The following PELI2 variants were observed in gnomAD, a reference collection of about 807,000 sequenced individuals.
The protein encoded by PELI2 is E3 ubiquitin-protein ligase pellino homolog 2.
PELI2 carries 23 observed loss-of-function variants against 42.3 expected under a neutral mutation model. That is an observed-to-expected ratio of 0.54 (90% confidence interval 0.39 to 0.77). PELI2 has a LOEUF of 0.77. Among genes scored for constraint, PELI2 ranks in the 30% least tolerant of loss-of-function variants. The pLI is 0.00. For missense variants in PELI2, 463 were observed against 553.2 expected (o/e 0.84, Z 1.64); for synonymous variants, 245 against 212.2 (o/e 1.15, Z -1.34).
At chr14:56,172,547 TAAG>T (rs1392097738) in intron 1 of PELI2, among the ~76,000 whole-genome samples, 1 of 152,142 alleles carries the variant, frequency 6.6e-6, no homozygotes, top group Non-Finnish European at 1.5e-5. Flanking sequence ...GGGAGACTCT[TAAG>T]GAGGGGAGGT....
chr14:56,218,782 G>A (rs1566644499), intron 2 of PELI2, among the ~76,000 whole-genome samples: 1 of 152,124 alleles, frequency 6.6e-6, no homozygotes, highest in Non-Finnish European at 1.5e-5. Flanking sequence ...TTGCCAAGAT[G>A]ATTACAGATT....
intron 2 of PELI2, among the ~76,000 whole-genome samples, chr14:56,207,168 A>G (rs1256137647): frequency 6.6e-6 from 1 of 152,214 alleles, no homozygotes; most frequent in Non-Finnish European, 1.5e-5. Flanking sequence ...GATTACTAGT[A>G]TTAATAAATA....
chr14:56,264,134 C>G (rs547323298), intron 2 of PELI2, among the ~76,000 whole-genome samples: 61 of 152,260 alleles, frequency 4.0e-4, no homozygotes, highest in Admixed American at 9.8e-4. Context: ...GGCACACATT[C>G]CCAGGTGAGG....
In PELI2 at chr14:56,197,721, T is replaced by A. The variant is rs1267404166; in HGVS notation, c.207+19257T>A. On this transcript the variant is annotated intron_variant, in intron 2 of 5. Coordinates refer to ENST00000267460, the MANE Select transcript of PELI2 (RefSeq NM_021255.3). The surrounding 1 kb of genome is among the most constrained non-coding windows in gnomAD (Gnocchi z 4.9). ...TTTGGATGAGATTAACATTTAAATC[T>A]CTAGACTTTGAGTAAAGCACATCAG... Among the ~76,000 whole-genome samples, 1 of 152,124 alleles carries A rather than the reference T, an allele frequency of 6.6e-6. No homozygotes were observed. Among genetic ancestry groups the A allele is most frequent in the African/African-American group, 2.4e-5 (1 of 41,408 alleles).
intron 5 of PELI2, chr14:56,292,679 A>G: frequency 2.1e-6 from 1 of 475,462 alleles, no homozygotes; most frequent in Non-Finnish European, 2.8e-6. Context: ...ATACTAATGT[A>G]TGTGTAACAA....
chr14:56,294,093 G>A (rs1249008546), intron 5 of PELI2, among the ~76,000 whole-genome samples: 1 of 152,220 alleles, frequency 6.6e-6, no homozygotes, highest in Non-Finnish European at 1.5e-5. Flanking sequence ...CTGTCTGAAA[G>A]GAGTCACAGT....
intron 1 of PELI2, among the ~76,000 whole-genome samples, chr14:56,140,325 A>G (rs1002486220): frequency 5.9e-5 from 9 of 152,220 alleles, no homozygotes; most frequent in Non-Finnish European, 1.2e-4. Flanking sequence ...AATTACAACC[A>G]TATCTATGGT....
At chr14:56,217,927 A>T (rs1886970909) in intron 2 of PELI2, among the ~76,000 whole-genome samples, 1 of 152,228 alleles carries the variant, frequency 6.6e-6, no homozygotes, top group Admixed American at 6.5e-5. Context: ...CTATTTATGA[A>T]GGGTCATTCA....
rs57466886 is a variant in PELI2 at position 56,292,320 on chromosome 14, C to T, written c.696+1864C>T. ...GATCTTGGGCTTATGGGACACTGAA[C>T]GGATACATTCTTCCTGCAATCTCCT... On this transcript the variant is annotated intron_variant, in intron 5 of 5. Coordinates refer to ENST00000267460, the MANE Select transcript of PELI2 (RefSeq NM_021255.3). Among the ~76,000 whole-genome samples the T allele has an allele frequency of 1.9e-3, 291 of 152,270 alleles. 1 individual carries two copies. Among genetic ancestry groups the T allele is most frequent in the African/African-American group, 6.6e-3 (273 of 41,556 alleles).
intron 2 of PELI2, among the ~76,000 whole-genome samples, chr14:56,191,675 A>G (rs1566628890): frequency 6.6e-6 from 1 of 152,224 alleles, no homozygotes; most frequent in Non-Finnish European, 1.5e-5. Flanking sequence ...AGACAGAGGC[A>G]GTGTAAATTC....
At position 56,269,041 on chromosome 14, in the gene PELI2, G is replaced by A. The variant is rs146186418; in HGVS notation, c.208-10635G>A. On this transcript the variant is annotated intron_variant, in intron 2 of 5. Coordinates refer to ENST00000267460, the MANE Select transcript of PELI2 (RefSeq NM_021255.3). ...TAATGTACAGTGTGTGATTGGTAATGTGAACATGTTTATATAGATATGTGA... is the reference window on the plus strand; with the variant it reads ...TAATGTACAGTGTGTGATTGGTAATATGAACATGTTTATATAGATATGTGA... Among the ~76,000 whole-genome samples the A allele has an allele frequency of 3.2e-3, 486 of 152,304 alleles. 4 individuals carry two copies. Among genetic ancestry groups the A allele is most frequent in the African/African-American group, 0.011 (478 of 41,570 alleles).
At chr14:56,155,079 T>C (rs1884501015) in intron 1 of PELI2, among the ~76,000 whole-genome samples, 1 of 152,236 alleles carries the variant, frequency 6.6e-6, no homozygotes. Flanking sequence ...TATGAAGATA[T>C]CTGTGTCTTC....
chr14:56,282,711 A>C (rs1183267657), intron 3 of PELI2, among the ~76,000 whole-genome samples: 1 of 152,122 alleles, frequency 6.6e-6, no homozygotes, highest in Admixed American at 6.5e-5. Context: ...TTTACTCTCC[A>C]TGCCATTCCA....
At chr14:56,238,540 G>A (rs543632548) in intron 2 of PELI2, among the ~76,000 whole-genome samples, 22 of 152,226 alleles carry the variant, frequency 1.4e-4, no homozygotes, top group Non-Finnish European at 3.1e-4. Context: ...TGCCGCTGTC[G>A]TAATAAAACC....
chr14:56,142,775 G>GA (rs60045907), intron 1 of PELI2, among the ~76,000 whole-genome samples: 1 of 151,600 alleles, frequency 6.6e-6, no homozygotes, highest in East Asian at 1.9e-4. Context: ...TAAAAAAGAT[G>GA]AAAAAAACTA....
At chr14:56,228,907 G>C (rs1429986871) in intron 2 of PELI2, among the ~76,000 whole-genome samples, 1 of 152,182 alleles carries the variant, frequency 6.6e-6, no homozygotes, top group Non-Finnish European at 1.5e-5. Flanking sequence ...CCCTAATACT[G>C]TGCTTTTCCA....
At chr14:56,135,951 G>T (rs1035876333) in intron 1 of PELI2, among the ~76,000 whole-genome samples, 1 of 152,112 alleles carries the variant, frequency 6.6e-6, no homozygotes, top group African/African-American at 2.4e-5. Context: ...ACATCATATG[G>T]AGTCTGCTTG....
At chr14:56,280,848 A>AC (rs1439392117) in intron 3 of PELI2, among the ~76,000 whole-genome samples, 5 of 152,178 alleles carry the variant, frequency 3.3e-5, no homozygotes, top group African/African-American at 4.8e-5. Flanking sequence ...AAGGATTGAT[A>AC]CCTACTGTAC....
At chr14:56,156,245 C>T (rs1353017368) in intron 1 of PELI2, among the ~76,000 whole-genome samples, 1 of 152,076 alleles carries the variant, frequency 6.6e-6, no homozygotes, top group African/African-American at 2.4e-5. Flanking sequence ...TTGTGAGTAA[C>T]TTATATTGCA....
Sources: allele counts gnomAD v4.1 joint callset (sites outside exome capture counted in the v4.1 genomes callset), GRCh38; gene constraint gnomAD v4.1.1; non-coding constraint Gnocchi (gnomAD v3.1); transcripts MANE v1.5; gene names NCBI Gene and HGNC (gene_info 2026-07-23, HGNC 2026-07-21).